The following CFAP44 variants were observed in gnomAD, a reference collection of about 807,000 sequenced individuals.
CFAP44 encodes cilia and flagella associated protein 44, also known as cilia- and flagella-associated protein 44.
In CFAP44, 134 loss-of-function variants were observed where a neutral mutation model predicts 216.2. The observed-to-expected ratio is 0.62, with a 90% CI of 0.54 to 0.72. The LOEUF is 0.72. Among genes scored for constraint, CFAP44 ranks in the 30% least tolerant of loss-of-function variants. The pLI, the probability that CFAP44 is intolerant of heterozygous loss-of-function variation, is 0.00. For missense variants in CFAP44, 2,035 were observed against 2,182.1 expected (o/e 0.93, Z 1.34); for synonymous variants, 700 against 727.6 (o/e 0.96, Z 0.61).
At chr3:113,377,333 C>A (rs1021783008) in intron 17 of CFAP44, among the ~76,000 whole-genome samples, 1 of 152,114 alleles carries the variant, frequency 6.6e-6, no homozygotes, top group African/African-American at 2.4e-5. Context: ...ATTGTTGACT[C>A]AAGCTTTGCT....
At chr3:113,435,583 G>A (rs891232476) in intron 1 of CFAP44, among the ~76,000 whole-genome samples, 2 of 151,520 alleles carry the variant, frequency 1.3e-5, no homozygotes, top group Admixed American at 6.6e-5. Context: ...ATTTTAAATG[G>A]CCAGGCATAG....
At chr3:113,320,491 A>T (rs1176656055) in intron 28 of CFAP44, among the ~76,000 whole-genome samples, 1 of 100,820 alleles carries the variant, frequency 9.9e-6, no homozygotes, top group African/African-American at 3.9e-5. Context: ...TGATATATAG[A>T]TGTAATATAT....
At chr3:113,410,426 G>T (rs143482430) in intron 6 of CFAP44, among the ~76,000 whole-genome samples, 3,826 of 152,178 alleles carry the variant, frequency 0.025, 59 homozygotes, top group East Asian at 0.052. Flanking sequence ...GCAATAGTTT[G>T]CTCAGAATGA....
intron 22 of CFAP44, among the ~76,000 whole-genome samples, chr3:113,346,926 T>A (rs7632927): frequency 0.093 from 14,178 of 152,164 alleles, 888 homozygotes; most frequent in African/African-American, 0.17. Context: ...ACCACCTTTA[T>A]GAGCTATAAC....
intron 30 of CFAP44, among the ~76,000 whole-genome samples, chr3:113,305,798 A>G (rs1438179108): frequency 1.3e-5 from 2 of 152,310 alleles, no homozygotes; most frequent in African/African-American, 4.8e-5. Flanking sequence ...ATTGGGGTAT[A>G]AATTGAAAAT....
rs1266113142 is a variant in CFAP44 at position 113,379,548 on chromosome 3, ATC to A, written c.2054_2055del (p.Arg685IlefsTer5). ...HFSSVKSKIL[R>X]LIEIEKRERQ... The stretch of plus-strand genomic sequence containing the variant: ...CTCTCCCTCTTTTCAATTTCTATTA[ATC>A]TCTTTTAAAATAAACATTAAGTAGG... On this transcript the variant is annotated frameshift_variant and splice_region_variant, in exon 17 of 35. Coordinates refer to ENST00000393845, the MANE Select transcript of CFAP44 (RefSeq NM_001164496.2). LOFTEE classifies it high-confidence loss of function. 1 of 1,577,344 alleles carries A rather than the reference ATC, an allele frequency of 6.3e-7. No homozygotes were observed. Among genetic ancestry groups the A allele is most frequent in the Admixed American group, 1.7e-5 (1 of 58,640 alleles).
At chr3:113,409,462 A>T (rs1253813492) in intron 6 of CFAP44, 140 bp from the exon 7 acceptor site, 5 of 710,838 alleles carry the variant, frequency 7.0e-6, no homozygotes, top group Non-Finnish European at 1.1e-5. Flanking sequence ...TTCCAAAAAC[A>T]TTCTCCATCT....
At chr3:113,400,242 G>A (rs889894177) in intron 12 of CFAP44, among the ~76,000 whole-genome samples, 4 of 152,076 alleles carry the variant, frequency 2.6e-5, no homozygotes, top group African/African-American at 9.7e-5. Flanking sequence ...ATATAGATTT[G>A]CCATAAGTTA....
At chr3:113,381,347 T>A (rs929452081) in intron 15 of CFAP44, among the ~76,000 whole-genome samples, 1 of 152,220 alleles carries the variant, frequency 6.6e-6, no homozygotes, top group African/African-American at 2.4e-5. Context: ...GATTCATATA[T>A]GTTTTCTGAT....
At chr3:113,363,572 C>T (rs74854096) in intron 19 of CFAP44, 40 bp from the exon 20 acceptor site, 34,382 of 1,511,428 alleles carry the variant, frequency 0.023, 492 homozygotes, top group East Asian at 0.062. Context: ...TTTAAAATTG[C>T]ATAGCATTTT....
chr3:113,405,574 CACTAGGACCA>C (rs1206707710), intron 8 of CFAP44, among the ~76,000 whole-genome samples: 1 of 152,232 alleles, frequency 6.6e-6, no homozygotes, highest in East Asian at 1.9e-4. Context: ...ACTCCTTGTA[CACTAGGACCA>C]AGTCATACTT....
chr3:113,351,916 G>C (rs1950448778), intron 22 of CFAP44, among the ~76,000 whole-genome samples: 1 of 152,164 alleles, frequency 6.6e-6, no homozygotes, highest in Non-Finnish European at 1.5e-5. Context: ...CTCCTGGATT[G>C]ACCCACTGGC....
At chr3:113,406,441 G>A (rs1453164978) in intron 8 of CFAP44, among the ~76,000 whole-genome samples, 2 of 152,044 alleles carry the variant, frequency 1.3e-5, no homozygotes, top group African/African-American at 4.8e-5. Flanking sequence ...TGGCTAACAC[G>A]GTGAAACCCC....
intron 15 of CFAP44, among the ~76,000 whole-genome samples, chr3:113,383,979 T>C (rs1051917475): frequency 5.9e-5 from 9 of 151,578 alleles, no homozygotes; most frequent in African/African-American, 2.2e-4. Flanking sequence ...CAACTTCCAC[T>C]TATGAGTGAG....
At chr3:113,356,404 C>G (rs1290652027) in intron 22 of CFAP44, among the ~76,000 whole-genome samples, 2 of 152,028 alleles carry the variant, frequency 1.3e-5, no homozygotes, top group African/African-American at 4.8e-5. Context: ...AAGAACCTAA[C>G]CAATCTTGGA....
intron 3 of CFAP44, 139 bp from the exon 4 acceptor site, chr3:113,426,416 G>A: frequency 1.2e-6 from 1 of 836,176 alleles, no homozygotes; most frequent in Non-Finnish European, 1.8e-6. Context: ...CACAGGGGCT[G>A]TTACCTCCAT....
chr3:113,315,718 T>C (rs1213039115), intron 28 of CFAP44, among the ~76,000 whole-genome samples: 2 of 152,242 alleles, frequency 1.3e-5, no homozygotes, highest in Non-Finnish European at 2.9e-5. Flanking sequence ...GAAACCAGAC[T>C]TCAAGTACTC....
At chr3:113,424,628 G>A (rs926498483) in intron 4 of CFAP44, among the ~76,000 whole-genome samples, 8 of 152,066 alleles carry the variant, frequency 5.3e-5, no homozygotes, top group South Asian at 4.1e-4. Context: ...ATCTAATGGG[G>A]GCCATCCCAG....
At position 113,291,113 on chromosome 3, in the gene CFAP44, C is replaced by G. The variant is rs1949824949; in HGVS notation, c.*444G>C. 1 of 157,250 alleles carries G rather than the reference C, an allele frequency of 6.4e-6. No individual in the cohort carries two copies. The highest frequency in any genetic ancestry group is 2.4e-5 in the African/African-American group (1 of 41,482). 9.7% of individuals were successfully genotyped at this position (157,250 alleles called of 1,614,324 possible). A position where few individuals can be genotyped will look rare whatever the true frequency, so the allele number is the denominator to read the frequency against. ...ACAAAATGTCCTTTTCTCCTGCATC[C>G]TCTCAGAGAACACTTAATAACATCT... On this transcript the variant is annotated 3_prime_UTR_variant, in exon 35 of 35. Coordinates refer to ENST00000393845, the MANE Select transcript of CFAP44 (RefSeq NM_001164496.2).
Sources: gnomAD v4.1 joint callset for allele counts (sites outside exome capture counted in the v4.1 genomes callset) on GRCh38, gnomAD v4.1.1 for gene constraint, MANE v1.5 for transcripts, NCBI Gene and HGNC (gene_info 2026-07-23, HGNC 2026-07-21) for gene names.